The following AP2B1 variants were observed in gnomAD, a reference collection of about 807,000 sequenced individuals.
The protein encoded by AP2B1 is AP-2 complex subunit beta.
A neutral mutation model predicts 102.0 loss-of-function variants in AP2B1; 23 were observed. The ratio of observed to expected loss-of-function variants is 0.23; its 90% CI spans 0.16 to 0.32. The LOEUF (loss-of-function observed/expected upper bound fraction) is 0.32, where lower values mean the gene tolerates loss of function less well. Among genes scored for constraint, AP2B1 ranks in the 10% least tolerant of loss-of-function variants. AP2B1 has a pLI of 1.00. For synonymous variants in AP2B1, 381 were observed against 421.2 expected (o/e 0.90, Z 1.17); for missense variants, 541 against 1,157.4 (o/e 0.47, Z 7.73).
At chr17:35,677,464 A>G (rs561491254) in intron 17 of AP2B1, among the ~76,000 whole-genome samples, 1 of 152,240 alleles carries the variant, frequency 6.6e-6, no homozygotes, top group Non-Finnish European at 1.5e-5. Flanking sequence ...TCATTTTGAG[A>G]TCGTTTTTAA....
chr17:35,689,529 A>T (rs1261448564), intron 18 of AP2B1, among the ~76,000 whole-genome samples: 1 of 152,164 alleles, frequency 6.6e-6, no homozygotes, highest in Non-Finnish European at 1.5e-5. Context: ...TCACAACTTA[A>T]AAAATTAGCA....
chr17:35,665,395 G>A (rs1408931937), intron 14 of AP2B1, among the ~76,000 whole-genome samples: 2 of 151,940 alleles, frequency 1.3e-5, no homozygotes, highest in African/African-American at 4.8e-5. Context: ...GTAAGGGCTG[G>A]GATTATAAGT....
intron 12 of AP2B1, among the ~76,000 whole-genome samples, chr17:35,643,387 G>A (rs1044678055): frequency 1.3e-5 from 2 of 152,110 alleles, no homozygotes; most frequent in South Asian, 2.1e-4. Flanking sequence ...ATTCAAGCAA[G>A]TATGTTTAGT....
chr17:35,717,355 G>A lies in AP2B1; in HGVS notation c.2781+6G>A, dbSNP rs782488021. 2.9e-5 allele frequency: 47 copies of A among 1,613,946 alleles called. No individual in the cohort carries two copies. The South Asian group carries it at 4.5e-4, about 15-fold the overall frequency. ...CAGGAAACCCCAATTACACGGTAAGGCCTTTCTCAGAATGGGTGAGATGGA... is the reference window on the plus strand; with the variant it reads ...CAGGAAACCCCAATTACACGGTAAGACCTTTCTCAGAATGGGTGAGATGGA... On this transcript the variant is annotated splice_donor_region_variant and intron_variant, in intron 21 of 21. Transcript: ENST00000610402.
intron 2 of AP2B1, chr17:35,597,051 G>A: frequency 3.5e-6 from 2 of 576,752 alleles, no homozygotes; most frequent in Middle Eastern, 4.5e-4. Flanking sequence ...TGTGGGGGCC[G>A]TGGCCGGGGG....
At chr17:35,641,295 A>G (rs1218602260) in intron 11 of AP2B1, among the ~76,000 whole-genome samples, 2 of 152,220 alleles carry the variant, frequency 1.3e-5, no homozygotes, top group Non-Finnish European at 2.9e-5. Flanking sequence ...AATACAAGCC[A>G]GGCTCGGTTA....
At chr17:35,590,396 A>G (rs1341477824) in intron 1 of AP2B1, among the ~76,000 whole-genome samples, 1 of 152,192 alleles carries the variant, frequency 6.6e-6, no homozygotes, top group African/African-American at 2.4e-5. Context: ...TTCACGTACC[A>G]TAAAATTAAC....
At chr17:35,605,617 C>G (rs896720713) in intron 3 of AP2B1, 88 bp from the exon 4 acceptor site, 1 of 876,694 alleles carries the variant, frequency 1.1e-6, no homozygotes, top group African/African-American at 1.7e-5. Context: ...CATCAAATCA[C>G]TGTTAGTTAA....
chr17:35,596,313 A>C (rs1377135262), intron 2 of AP2B1, among the ~76,000 whole-genome samples: 3 of 152,228 alleles, frequency 2.0e-5, no homozygotes, highest in Non-Finnish European at 4.4e-5. Flanking sequence ...AGTCCTATGA[A>C]GAATGACTCT....
In AP2B1 at chr17:35,726,022, C is replaced by G. The variant is rs1454181856; in HGVS notation, c.*2323C>G. 2.0e-5 allele frequency: 3 copies of G among 152,198 alleles called. No homozygotes were observed. Among genetic ancestry groups the G allele is most frequent in the African/African-American group, 7.2e-5 (3 of 41,422 alleles). 9.4% of individuals were successfully genotyped at this position (152,198 alleles called of 1,614,324 possible). On this transcript the variant is annotated 3_prime_UTR_variant, in exon 22 of 22. Transcript: ENST00000610402. ...AAGGACCTCTCCTGAGAGGCAAAAC[C>G]TGTTGCCTCCACCACGGCTTCCCTC...
intron 9 of AP2B1, among the ~76,000 whole-genome samples, chr17:35,628,775 T>G (rs1421065689): frequency 6.6e-6 from 1 of 152,224 alleles, no homozygotes; most frequent in Non-Finnish European, 1.5e-5. Context: ...AATGAAGGTT[T>G]TTGTTCCTAT....
intron 14 of AP2B1, chr17:35,660,064 C>T: frequency 3.0e-6 from 3 of 985,180 alleles, no homozygotes; most frequent in African/African-American, 3.5e-5. Flanking sequence ...TTTTTGAATG[C>T]ATCCTTGCCT....
At chr17:35,635,257 T>C (rs1782201148) in intron 9 of AP2B1, among the ~76,000 whole-genome samples, 1 of 152,230 alleles carries the variant, frequency 6.6e-6, no homozygotes, top group Non-Finnish European at 1.5e-5. Flanking sequence ...TTTCACCATG[T>C]TGGCCAGGCT....
At chr17:35,679,391 CT>C (rs76352263) in intron 17 of AP2B1, among the ~76,000 whole-genome samples, 2,922 of 142,624 alleles carry the variant, frequency 0.02, 35 homozygotes, top group East Asian at 0.05. Context: ...GACTTGCTAC[CT>C]TTTTTTTTTT....
intron 18 of AP2B1, among the ~76,000 whole-genome samples, chr17:35,689,467 A>G (rs2076000045): frequency 6.6e-6 from 1 of 152,182 alleles, no homozygotes; most frequent in African/African-American, 2.4e-5. Flanking sequence ...CCAGCTCAGT[A>G]TGTGTCTTTA....
chr17:35,600,227 G>A (rs960621045), intron 3 of AP2B1, among the ~76,000 whole-genome samples: 2 of 151,934 alleles, frequency 1.3e-5, no homozygotes, highest in African/African-American at 2.4e-5. Context: ...GATTACAGGC[G>A]TGCACCACTA....
At chr17:35,607,602 A>G (rs1384761955) in intron 4 of AP2B1, among the ~76,000 whole-genome samples, 2 of 152,242 alleles carry the variant, frequency 1.3e-5, no homozygotes, top group African/African-American at 4.8e-5. Context: ...TATGTTAGCC[A>G]AGAGCTCAGA....
At chr17:35,594,382 C>T (rs1157820424) in intron 2 of AP2B1, among the ~76,000 whole-genome samples, 1 of 152,040 alleles carries the variant, frequency 6.6e-6, no homozygotes, top group Non-Finnish European at 1.5e-5. Context: ...ATACTTTTTC[C>T]CTTTTATTAA....
At chr17:35,595,050 A>G (rs1302262442) in intron 2 of AP2B1, among the ~76,000 whole-genome samples, 1 of 152,206 alleles carries the variant, frequency 6.6e-6, no homozygotes, top group Non-Finnish European at 1.5e-5. Context: ...TATTCCAGAC[A>G]TGGCGCCAAC....
Sources: allele counts gnomAD v4.1 joint callset (sites outside exome capture counted in the v4.1 genomes callset), GRCh38; gene constraint gnomAD v4.1.1; transcripts MANE v1.5; gene names NCBI Gene and HGNC (gene_info 2026-07-23, HGNC 2026-07-21).